The following WASF3 variants were observed in gnomAD, a reference collection of about 807,000 sequenced individuals.
WASF3 encodes actin-binding protein WASF3.
Under a neutral mutation model 46.6 loss-of-function variants are expected in WASF3, and 11 were observed. That is an observed-to-expected ratio of 0.24 (90% CI 0.15 to 0.39). The LOEUF is 0.39. Ranked by LOEUF, WASF3 falls within the 10% of genes least tolerant of loss-of-function variation. The probability of loss-of-function intolerance (pLI) is 1.00; values close to 1 mark genes in which losing one functional copy is unlikely to be tolerated. For synonymous variants in WASF3, 242 were observed against 259.7 expected, an observed-to-expected ratio of 0.93 and a Z score of 0.65; for missense variants, 576 against 669.8, an observed-to-expected ratio of 0.86 and a Z score of 1.55.
At chr13:26,543,047 T>C in the WASF3 span, among the ~76,000 whole-genome samples, 1 of 152,272 alleles carries the variant, frequency 6.6e-6, no homozygotes, top group East Asian at 1.9e-4. Context: ...AGTGCAGGGC[T>C]TTGGGACATC....
intron 2 of WASF3, among the ~76,000 whole-genome samples, chr13:26,637,298 A>G (rs1881857423): frequency 6.6e-6 from 1 of 152,292 alleles, no homozygotes; most frequent in Admixed American, 6.5e-5. Flanking sequence ...ACTTGCAGGT[A>G]GGTTGTTTAG....
chr13:26,606,335 TG>T (rs2137211836), intron 1 of WASF3, among the ~76,000 whole-genome samples: 1 of 148,472 alleles, frequency 6.7e-6, no homozygotes, highest in South Asian at 2.2e-4. Context: ...TGTGTGTGTG[TG>T]TGTGTGTGTG....
chr13:26,676,680 G>T lies in WASF3; in HGVS notation c.672G>T (p.Val224=). The change falls in exon 7 of 10, where the codon GTG becomes GTT. Residue 224 remains valine, a synonymous_variant. Coordinates refer to ENST00000335327, the MANE Select transcript of WASF3 (RefSeq NM_006646.6). ...CCGACAACAGGTTGTCTCAGAGTGTGTACCATGGAGCGTCTTCCGAGGGAT... is the reference window on the plus strand; with the variant it reads ...CCGACAACAGGTTGTCTCAGAGTGTTTACCATGGAGCGTCTTCCGAGGGAT... ...LRPDNRLSQS[V]YHGASSEGSL... 3 of 1,614,166 alleles carry T rather than the reference G, an allele frequency of 1.9e-6. No individual in the cohort carries two copies. The highest frequency in any genetic ancestry group is 2.5e-6 in the Non-Finnish European group (3 of 1,180,020).
intron 1 of WASF3, among the ~76,000 whole-genome samples, chr13:26,571,299 T>C (rs1445799760): frequency 1.3e-5 from 2 of 152,166 alleles, no homozygotes; most frequent in Non-Finnish European, 2.9e-5. Flanking sequence ...GAATTGGGCA[T>C]GGGTTTTGAG....
the WASF3 span, among the ~76,000 whole-genome samples, chr13:26,539,245 A>G: frequency 6.6e-6 from 1 of 152,152 alleles, no homozygotes; most frequent in African/African-American, 2.4e-5. Context: ...AAGGTTAGTT[A>G]CTGAGCATGA....
Position 26,565,687 on chromosome 13 carries a change from C to T in WASF3, c.-109+7868C>T, listed in dbSNP as rs564232824. ...CTTGCTGCAAACAGCATTTGTTTCC[C>T]AAGGCTTCTCTAGAATGTGAATTGT... On this transcript the variant is annotated intron_variant, in intron 1 of 9. Transcript: ENST00000335327. Among the ~76,000 whole-genome samples, 7 of 152,270 alleles carry T rather than the reference C, an allele frequency of 4.6e-5. No homozygotes were observed. The South Asian group carries it at 1.4e-3, about 32-fold the overall frequency.
At chr13:26,544,141 A>G in the WASF3 span, among the ~76,000 whole-genome samples, 1 of 152,194 alleles carries the variant, frequency 6.6e-6, no homozygotes, top group African/African-American at 2.4e-5. Flanking sequence ...GCATCTAGGA[A>G]TGGTTTTTCC....
At chr13:26,675,617 G>A (rs1883044318) in intron 6 of WASF3, among the ~76,000 whole-genome samples, 1 of 138,722 alleles carries the variant, frequency 7.2e-6, no homozygotes, top group African/African-American at 2.7e-5. Flanking sequence ...GTCCTCTTGT[G>A]GACTGCAGGC....
chr13:26,578,993 CTT>C (rs200299739), intron 1 of WASF3, among the ~76,000 whole-genome samples: 14 of 60,642 alleles, frequency 2.3e-4, no homozygotes, highest in East Asian at 1.5e-3. Flanking sequence ...GATACATTTC[CTT>C]TTTTTTTTTT....
the WASF3 span, among the ~76,000 whole-genome samples, chr13:26,544,920 G>A: frequency 1.3e-5 from 2 of 152,248 alleles, no homozygotes; most frequent in Admixed American, 6.5e-5. Flanking sequence ...CAGGCACAGA[G>A]TCCACCCAGT....
the WASF3 span, among the ~76,000 whole-genome samples, chr13:26,544,380 A>G: frequency 3.3e-5 from 5 of 152,216 alleles, no homozygotes; most frequent in African/African-American, 1.2e-4. Flanking sequence ...TACCAAGAGT[A>G]TGGAATGTTG....
intron 1 of WASF3, among the ~76,000 whole-genome samples, chr13:26,601,808 G>T (rs541454665): frequency 5.9e-5 from 9 of 152,336 alleles, no homozygotes; most frequent in Non-Finnish European, 1.3e-4. Context: ...TTTGGAGACA[G>T]ATCAGTGCTG....
chr13:26,618,895 C>G (rs1285725184), intron 2 of WASF3: 1 of 152,172 alleles, frequency 6.6e-6, no homozygotes, highest in Non-Finnish European at 1.5e-5. Context: ...GTTCTCCAAC[C>G]ACACATCTCG....
intron 2 of WASF3, among the ~76,000 whole-genome samples, chr13:26,628,294 A>G (rs1186367562): frequency 6.6e-6 from 1 of 152,218 alleles, no homozygotes; most frequent in Non-Finnish European, 1.5e-5. Context: ...AAAAGAAAAC[A>G]TAAAATTGTT....
At chr13:26,642,938 T>A (rs1756472) in intron 3 of WASF3, among the ~76,000 whole-genome samples, 2 of 152,020 alleles carry the variant, frequency 1.3e-5, no homozygotes, top group Non-Finnish European at 2.9e-5. Flanking sequence ...TACTGATTTC[T>A]GCATTGAGGT....
chr13:26,565,089 ATC>A (rs1879421654), intron 1 of WASF3, among the ~76,000 whole-genome samples: 1 of 151,062 alleles, frequency 6.6e-6, no homozygotes, highest in Non-Finnish European at 1.5e-5. Context: ...CCGTGGTGCT[ATC>A]TCGGCTTGAA....
At chr13:26,613,421 A>G (rs1227523442) in intron 2 of WASF3, among the ~76,000 whole-genome samples, 1 of 152,092 alleles carries the variant, frequency 6.6e-6, no homozygotes, top group Admixed American at 6.5e-5. Flanking sequence ...ATTCTTTGTT[A>G]TCTGAATCTT....
At chr13:26,568,150 G>C (rs1369440082) in intron 1 of WASF3, among the ~76,000 whole-genome samples, 1 of 152,074 alleles carries the variant, frequency 6.6e-6, no homozygotes, top group Non-Finnish European at 1.5e-5. Context: ...ATTTTATTCT[G>C]AGTGAGATGA....
chr13:26,554,043 C>CTTT (rs1879029966), upstream of WASF3, among the ~76,000 whole-genome samples: 4 of 60,460 alleles, frequency 6.6e-5, no homozygotes, highest in African/African-American at 2.7e-4. Flanking sequence ...CTCTTTCTTT[C>CTTT]CTTCCTTCCT....
Sources: gnomAD v4.1 joint callset for allele counts (sites outside exome capture counted in the v4.1 genomes callset) on GRCh38, gnomAD v4.1.1 for gene constraint, MANE v1.5 for transcripts, NCBI Gene and HGNC (gene_info 2026-07-23, HGNC 2026-07-21) for gene names.